Variants in E2F3 observed in about 807,000 individuals in gnomAD.
The protein encoded by E2F3 is transcription factor E2F3.
E2F3 carries 11 observed loss-of-function variants against 44.4 expected under a neutral mutation model. The observed-to-expected ratio is 0.25, with a 90% CI of 0.16 to 0.41. The LOEUF (loss-of-function observed/expected upper bound fraction) is 0.41. E2F3 is among the 10% of genes least tolerant of loss of function. E2F3 has a pLI of 1.00. For synonymous variants in E2F3, 249 were observed against 253.0 expected, an observed-to-expected ratio of 0.98 and a Z score of 0.15; for missense variants, 487 against 583.6, an observed-to-expected ratio of 0.83 and a Z score of 1.70.
At chr6:20,428,946 G>T (rs1235260594) in intron 1 of E2F3, among the ~76,000 whole-genome samples, 1 of 152,176 alleles carries the variant, frequency 6.6e-6, no homozygotes, top group Admixed American at 6.5e-5. Context: ...AGAGGTTCTC[G>T]TAGACCAGTG....
rs1457098771 is a variant in E2F3, at chr6:20,492,200, A to T, written c.*1770A>T. The T allele has an allele frequency of 4.4e-6, 1 of 227,872 alleles. No individual in the cohort carries two copies. The highest frequency in any genetic ancestry group is 8.7e-6 in the Non-Finnish European group (1 of 114,724). 14.1% of individuals were successfully genotyped at this position (227,872 alleles called of 1,614,324 possible). On this transcript the variant is annotated 3_prime_UTR_variant, in exon 7 of 7. Transcript: ENST00000346618. ...ACAAGAGCCCCAGCCAGTTTACTCC[A>T]GGTAGATTTCCACAATATGCAAAGT... is the stretch of plus-strand genomic sequence containing the variant.
chr6:20,428,409 G>A (rs1243089991), intron 1 of E2F3, among the ~76,000 whole-genome samples: 1 of 152,086 alleles, frequency 6.6e-6, no homozygotes, highest in Non-Finnish European at 1.5e-5. Context: ...TTTTAGTAGA[G>A]ACGGGATTTC....
intron 5 of E2F3, among the ~76,000 whole-genome samples, chr6:20,487,592 C>G (rs886818633): frequency 2.6e-5 from 4 of 152,108 alleles, no homozygotes; most frequent in African/African-American, 9.7e-5. Flanking sequence ...ACTTAAAGGA[C>G]CTTGTAATAA....
chr6:20,451,635 G>T (rs1382845181), intron 1 of E2F3, among the ~76,000 whole-genome samples: 1 of 152,062 alleles, frequency 6.6e-6, no homozygotes, highest in Non-Finnish European at 1.5e-5. Context: ...CTTGTCTTTT[G>T]CCAGTTTTCA....
intron 1 of E2F3, among the ~76,000 whole-genome samples, chr6:20,457,472 C>A (rs1453632683): frequency 1.3e-5 from 2 of 151,020 alleles, no homozygotes; most frequent in East Asian, 3.9e-4. Flanking sequence ...CAGGTGTCAA[C>A]CACTGCACCT....
At chr6:20,406,156 A>C (rs1457389921) in intron 1 of E2F3, among the ~76,000 whole-genome samples, 1 of 152,228 alleles carries the variant, frequency 6.6e-6, no homozygotes, top group Non-Finnish European at 1.5e-5. Flanking sequence ...CTTAACCAGA[A>C]GCAACTTCTT....
intron 1 of E2F3, among the ~76,000 whole-genome samples, chr6:20,466,157 G>A (rs1409279565): frequency 6.6e-6 from 1 of 152,082 alleles, no homozygotes; most frequent in East Asian, 1.9e-4. Flanking sequence ...CTGTCACCCA[G>A]GCTGGAGTGC....
Position 20,460,996 on chromosome 6 carries a change from CAAAAAAAAAAAA to C in E2F3, c.394-18833_394-18822del, listed in dbSNP as rs61306918. Among the ~76,000 whole-genome samples, 9 of 55,496 alleles carry C rather than the reference CAAAAAAAAAAAA, an allele frequency of 1.6e-4. No homozygotes were observed. In the South Asian group the frequency reaches 8.3e-3, roughly 51 times the overall value. 36.4% of individuals were successfully genotyped at this position (55,496 alleles called of 152,430 possible). ...GGGAGACAGAGCAAGACTCTATCTC[CAAAAAAAAAAAA>C]AAAAAAAAAAAAAAAAGCCATGTAT... On this transcript the variant is annotated intron_variant, in intron 1 of 6. Transcript: ENST00000346618.
chr6:20,425,804 A>T (rs1029749008), intron 1 of E2F3, among the ~76,000 whole-genome samples: 1 of 152,220 alleles, frequency 6.6e-6, no homozygotes, highest in Non-Finnish European at 1.5e-5. Flanking sequence ...TGGCATTTAA[A>T]CTGGGACATT....
chr6:20,445,100 G>C (rs1372977116), intron 1 of E2F3: 1 of 985,294 alleles, frequency 1.0e-6, no homozygotes, highest in African/African-American at 1.7e-5. Flanking sequence ...CTGGAGAGTC[G>C]AGAGCGGGTC....
Position 20,491,144 on chromosome 6 carries a change from G to T in E2F3, c.*714G>T. On this transcript the variant is annotated 3_prime_UTR_variant, in exon 7 of 7. Transcript: ENST00000346618. ...CTGTTGTGGATTTTCCTGTCTCCAT[G>T]AACCACTCCCATTCCCCCGTCCCCA... 1 of 232,286 alleles carries T rather than the reference G, an allele frequency of 4.3e-6. No individual in the cohort carries two copies. 14.4% of individuals were successfully genotyped at this position (232,286 alleles called of 1,614,324 possible).
At chr6:20,469,831 A>G (rs983679924) in intron 1 of E2F3, among the ~76,000 whole-genome samples, 1 of 152,192 alleles carries the variant, frequency 6.6e-6, no homozygotes, top group African/African-American at 2.4e-5. Context: ...GTTTGTGATT[A>G]GGCTTCTCAC....
intron 4 of E2F3, 24 bp from the exon 5 acceptor site, chr6:20,486,665 G>C: frequency 8.0e-7 from 1 of 1,243,052 alleles, no homozygotes; most frequent in South Asian, 1.3e-5. Context: ...GTAATTAGAT[G>C]GAAGATTCCT....
chr6:20,488,926 G>A (rs1331530276), intron 6 of E2F3, among the ~76,000 whole-genome samples: 5 of 152,006 alleles, frequency 3.3e-5, no homozygotes, highest in Non-Finnish European at 7.4e-5. Context: ...CCAGGGAGTC[G>A]GAGGTTGCAG....
At chr6:20,464,178 T>G (rs1005106007) in intron 1 of E2F3, among the ~76,000 whole-genome samples, 7 of 152,234 alleles carry the variant, frequency 4.6e-5, no homozygotes, top group African/African-American at 1.4e-4. Flanking sequence ...GAAGCTGCAT[T>G]ACATAGGCAT....
At chr6:20,471,848 G>A (rs905207559) in intron 1 of E2F3, among the ~76,000 whole-genome samples, 2 of 152,114 alleles carry the variant, frequency 1.3e-5, no homozygotes, top group African/African-American at 2.4e-5. Context: ...AACATTTGGT[G>A]TGGATCTATT....
chr6:20,452,859 C>T (rs1761176011), intron 1 of E2F3, among the ~76,000 whole-genome samples: 1 of 152,072 alleles, frequency 6.6e-6, no homozygotes, highest in African/African-American at 2.4e-5. Flanking sequence ...GAAGCTGAGG[C>T]AGGAGAATCG....
At chr6:20,442,558 T>G (rs1760812034) in intron 1 of E2F3, among the ~76,000 whole-genome samples, 1 of 152,258 alleles carries the variant, frequency 6.6e-6, no homozygotes. Flanking sequence ...TGAAGTACTT[T>G]TAACACCCTC....
chr6:20,447,777 G>A (rs1329261757), intron 1 of E2F3, among the ~76,000 whole-genome samples: 1 of 152,170 alleles, frequency 6.6e-6, no homozygotes, highest in African/African-American at 2.4e-5. Context: ...ATTCTTGGCA[G>A]TAAATTGGGT....
Sources: allele counts gnomAD v4.1 joint callset (sites outside exome capture counted in the v4.1 genomes callset), GRCh38; gene constraint gnomAD v4.1.1; transcripts MANE v1.5; gene names NCBI Gene and HGNC (gene_info 2026-07-23, HGNC 2026-07-21).